The following CD164 variants were observed in gnomAD, a reference collection of about 807,000 sequenced individuals.
CD164 encodes CD164 molecule.
CD164 carries 11 observed loss-of-function variants against 24.6 expected under a neutral mutation model. The observed-to-expected ratio is 0.45, with a 90% CI of 0.28 to 0.74. The LOEUF (loss-of-function observed/expected upper bound fraction) is 0.74. Among genes scored for constraint, CD164 ranks in the 30% least tolerant of loss-of-function variants. The probability of loss-of-function intolerance (pLI) is 0.13; values close to 1 mark genes in which losing one functional copy is unlikely to be tolerated. For missense variants in CD164, 295 were observed against 243.7 expected (o/e 1.21, Z -1.40); for synonymous variants, 126 against 100.3 (o/e 1.26, Z -1.53).
rs897331081 is a variant in CD164, at chr6:109,367,038, T to C, written c.*1813A>G. ...TTGGGAGGAATGGAATTCTGCCTAT[T>C]TTCGAATTAATCCTACAGCACTCAC... On this transcript the variant is annotated 3_prime_UTR_variant, in exon 6 of 6. Coordinates refer to ENST00000310786, the MANE Select transcript of CD164 (RefSeq NM_006016.6). 2 of 152,436 alleles carry C rather than the reference T, an allele frequency of 1.3e-5. No individual in the cohort carries two copies. The highest frequency in any genetic ancestry group is 2.9e-5 in the Non-Finnish European group (2 of 68,020). 9.4% of individuals were successfully genotyped at this position (152,436 alleles called of 1,614,324 possible).
chr6:109,371,653 T>A (rs1265173138), intron 4 of CD164: 1 of 153,796 alleles, frequency 6.5e-6, no homozygotes. Flanking sequence ...CAAATTAACA[T>A]TTTTTCTAAC....
intron 4 of CD164, among the ~76,000 whole-genome samples, chr6:109,374,796 G>A (rs568739420): frequency 1.3e-5 from 2 of 152,042 alleles, no homozygotes; most frequent in East Asian, 1.9e-4. Context: ...GTGCTGACCC[G>A]CTGCTCCACT....
Position 109,368,160 on chromosome 6 carries a change from A to G in CD164, c.*691T>C, listed in dbSNP as rs1236577069. 2.2e-6 allele frequency: 2 copies of G among 918,902 alleles called. No individual in the cohort carries two copies. The allele number at this position is 918,902 out of a possible 1,614,324, so 56.9% of individuals were successfully genotyped here. A position where few individuals can be genotyped will look rare whatever the true frequency, so the allele number is the denominator to read the frequency against. ...CTTAATGTCAAAGAACAAATCATAG[A>G]CATTAAGCTAGAGCTTACCTTTCAC... On this transcript the variant is annotated 3_prime_UTR_variant, in exon 6 of 6. Coordinates refer to ENST00000310786, the MANE Select transcript of CD164 (RefSeq NM_006016.6).
chr6:109,382,361 G>T lies in CD164; in HGVS notation c.18C>A (p.Arg6=). 1 of 1,552,062 alleles carries T rather than the reference G, an allele frequency of 6.4e-7. No individual in the cohort carries two copies. Among genetic ancestry groups the T allele is most frequent in the East Asian group, 2.4e-5 (1 of 41,490 alleles). MSRLS[R]SLLWAATCLG... The stretch of plus-strand genomic sequence containing the variant: ...GGCAGGTGGCGGCCCAAAGCAGTGA[G>T]CGGGAGAGCCGCGACATCGTGTCCT... Residue 6 remains arginine, a synonymous_variant, in exon 1 of 6, where the codon CGC becomes CGA. Transcript: ENST00000310786.
chr6:109,379,198 T>C (rs962965518), intron 2 of CD164, among the ~76,000 whole-genome samples: 1 of 152,184 alleles, frequency 6.6e-6, no homozygotes, highest in African/African-American at 2.4e-5. Context: ...TAAAGTACTC[T>C]CAATCCTTAG....
Position 109,368,471 on chromosome 6 carries a change from A to C in CD164, c.*380T>G. On this transcript the variant is annotated 3_prime_UTR_variant, in exon 6 of 6. Transcript: ENST00000310786. ...GATTCTCATTTGGCACGTTCTTCTC[A>C]ATTCTGTTCACTAAATTAAAATTAC... 4 of 1,370,968 alleles carry C rather than the reference A, an allele frequency of 2.9e-6. No individual in the cohort carries two copies. Among genetic ancestry groups the C allele is most frequent in the Non-Finnish European group, 2.8e-6 (3 of 1,066,680 alleles). The allele number at this position is 1,370,968 out of a possible 1,614,324, so 84.9% of individuals were successfully genotyped here. A position where few individuals can be genotyped will look rare whatever the true frequency, so the allele number is the denominator to read the frequency against.
Position 109,368,806 on chromosome 6 carries a change from G to C in CD164, c.*45C>G. On this transcript the variant is annotated 3_prime_UTR_variant, in exon 6 of 6. Coordinates refer to ENST00000310786, the MANE Select transcript of CD164 (RefSeq NM_006016.6). ...AAAGATAGTATTTTGGCTTCAGTGA[G>C]TTACACAAATGAATCACCAGTCCTT... 6.4e-7 allele frequency: 1 copy of C among 1,571,966 alleles called. No homozygotes were observed. Among genetic ancestry groups the C allele is most frequent in the South Asian group, 1.2e-5 (1 of 84,128 alleles).
At chr6:109,373,010 C>G (rs1771171855) in intron 4 of CD164, 1 of 150,816 alleles carries the variant, frequency 6.6e-6, no homozygotes, top group Non-Finnish European at 1.5e-5. Context: ...CCTACTGTTT[C>G]TTTTACTGAA....
Position 109,382,400 on chromosome 6 carries a change from C to A in CD164, c.-22G>T. 6.7e-7 allele frequency: 1 copy of A among 1,499,672 alleles called. No homozygotes were observed. Among genetic ancestry groups the A allele is most frequent in the Non-Finnish European group, 8.9e-7 (1 of 1,124,508 alleles). The allele number at this position is 1,499,672 out of a possible 1,614,324, so 92.9% of individuals were successfully genotyped here. A position where few individuals can be genotyped will look rare whatever the true frequency, so the allele number is the denominator to read the frequency against. On this transcript the variant is annotated 5_prime_UTR_variant, in exon 1 of 6. Coordinates refer to ENST00000310786, the MANE Select transcript of CD164 (RefSeq NM_006016.6). ...ACATCGTGTCCTCAGCGCTGGCGTT[C>A]GGGAGAAAGCTAAGGCTCGCAACGC... is the stretch of plus-strand genomic sequence containing the variant.
chr6:109,381,270 T>A (rs766714873), intron 1 of CD164, among the ~76,000 whole-genome samples: 2 of 152,190 alleles, frequency 1.3e-5, no homozygotes, highest in Non-Finnish European at 2.9e-5. Flanking sequence ...TATGTATGCC[T>A]TAACCAGCCC....
At chr6:109,381,089 G>A (rs994749126) in intron 1 of CD164, among the ~76,000 whole-genome samples, 2 of 152,182 alleles carry the variant, frequency 1.3e-5, no homozygotes, top group African/African-American at 4.8e-5. Context: ...CGGTCAAGAA[G>A]CCAATGTTAA....
chr6:109,374,220 T>G (rs1268816627), intron 4 of CD164, among the ~76,000 whole-genome samples: 3 of 152,192 alleles, frequency 2.0e-5, no homozygotes, highest in Non-Finnish European at 2.9e-5. Context: ...TATGCCTATT[T>G]ATATTTTTAG....
chr6:109,375,627 A>AAAAAAAAG lies in CD164; in HGVS notation c.370+446_370+447insCTTTTTTT, dbSNP rs558899854. Among the ~76,000 whole-genome samples the AAAAAAAAG allele has an allele frequency of 4.8e-5, 7 of 144,740 alleles. 1 individual carries two copies. Among genetic ancestry groups the AAAAAAAAG allele is most frequent in the South Asian group, 4.4e-4 (2 of 4,586 alleles). The allele number at this position is 144,740 out of a possible 152,430, so 95.0% of individuals were successfully genotyped here. ...GCAAGACTTCGCTTCCAAAAAAAAA[A>AAAAAAAAG]AAAGAAAAGAAAAAAAGAAATACAA... On this transcript the variant is annotated intron_variant, in intron 4 of 5. Coordinates refer to ENST00000310786, the MANE Select transcript of CD164 (RefSeq NM_006016.6).
At chr6:109,379,887 T>C (rs1771639447) in intron 1 of CD164, 1 of 427,924 alleles carries the variant, frequency 2.3e-6, no homozygotes, top group Non-Finnish European at 4.2e-6. Flanking sequence ...CTCAGTACAG[T>C]GCCTGATGGT....
Position 109,368,336 on chromosome 6 carries a change from A to C in CD164, c.*515T>G. On this transcript the variant is annotated 3_prime_UTR_variant, in exon 6 of 6. Transcript: ENST00000310786. ...TGTGGCATCTTATTTCTAATGTAGA[A>C]AAAACAGCTGTTATCAAGCACAAAA... The C allele has an allele frequency of 6.5e-7, 1 of 1,539,480 alleles. No homozygotes were observed.
intron 4 of CD164, 173 bp downstream of exon 4, chr6:109,375,901 G>A (rs1205487930): frequency 2.1e-5 from 12 of 568,718 alleles, no homozygotes; most frequent in African/African-American, 1.2e-4. Context: ...GGAGCTATGT[G>A]TCACTGTCAC....
At chr6:109,379,770 A>G (rs1339505038) in intron 1 of CD164, 108 bp from the exon 2 acceptor site, 26 of 736,100 alleles carry the variant, frequency 3.5e-5, no homozygotes, top group Non-Finnish European at 5.4e-5. Context: ...ACAGCATCAA[A>G]ATTACTAATT....
chr6:109,382,466 C>T lies in CD164; in HGVS notation c.-88G>A, dbSNP rs1321820307. The stretch of plus-strand genomic sequence containing the variant: ...ATCCCCTGCGGCGCCGCCTCCGAGA[C>T]TACGCTCCCCCGCGGGAGCGCGCAG... On this transcript the variant is annotated 5_prime_UTR_variant, in exon 1 of 6. Coordinates refer to ENST00000310786, the MANE Select transcript of CD164 (RefSeq NM_006016.6). The T allele has an allele frequency of 2.5e-5, 33 of 1,303,538 alleles. No homozygotes were observed. The highest frequency in any genetic ancestry group is 3.2e-5 in the Non-Finnish European group (32 of 997,122). 80.7% of individuals were successfully genotyped at this position (1,303,538 alleles called of 1,614,324 possible).
intron 1 of CD164, 154 bp downstream of exon 1, chr6:109,382,050 G>A (rs1376506283): frequency 8.6e-6 from 5 of 579,196 alleles, no homozygotes; most frequent in South Asian, 6.7e-5. Flanking sequence ...GTGGACTCCA[G>A]GCTGGCCGCC....
Sources: allele counts gnomAD v4.1 joint callset (sites outside exome capture counted in the v4.1 genomes callset), GRCh38; gene constraint gnomAD v4.1.1; transcripts MANE v1.5; gene names NCBI Gene and HGNC (gene_info 2026-07-23, HGNC 2026-07-21).